The following PPEF1 variants were observed in gnomAD, a reference collection of about 807,000 sequenced individuals.
PPEF1 encodes the protein protein phosphatase with EF-hand domain 1.
In PPEF1, 12 loss-of-function variants were observed where a neutral mutation model predicts 53.3. The ratio of observed to expected loss-of-function variants is 0.23; its 90% confidence interval spans 0.14 to 0.36. PPEF1 has a LOEUF of 0.36. PPEF1 is among the 10% of genes least tolerant of loss of function. PPEF1 has a pLI of 1.00. For synonymous variants in PPEF1, 165 were observed against 176.7 expected (o/e 0.93, Z 0.52); for missense variants, 334 against 490.4 (o/e 0.68, Z 3.01).
rs187941935 is a variant in PPEF1, at chrX:18,781,791, G to T, written c.726-575G>T. Among the ~76,000 whole-genome samples the T allele has an allele frequency of 6.2e-3, 694 of 111,100 alleles. 4 individuals carry two copies. Among genetic ancestry groups the T allele is most frequent in the Non-Finnish European group, 0.01 (556 of 52,991 alleles). On this transcript the variant is annotated intron_variant, in intron 7 of 15. Transcript: ENST00000470157. ...AGGTAACAGAAATATTGTCATCATT[G>T]AATCTCCCTTCACTACTGCTATTCA...
chrX:18,820,793 A>C (rs1270146433), intron 13 of PPEF1, among the ~76,000 whole-genome samples: 2 of 112,409 alleles, frequency 1.8e-5, no homozygotes, highest in Admixed American at 1.9e-4. Flanking sequence ...CACACACTGG[A>C]ACATAAAGTG....
Position 18,789,152 on chromosome X carries a change from C to G in PPEF1, c.944C>G (p.Thr315Arg). Residue 315 changes from threonine (T) to arginine (R), a missense_variant, in exon 10 of 16, where the codon ACA (threonine) becomes AGA (arginine). Physicochemically the swap from Thr to Arg is moderately conservative, Grantham distance 71. Transcript: ENST00000470157. ...MKSVLIPPTE[T>R]NRDHDTDSKH... Reference sequence around the variant, plus strand: ...TCTGTGCTGATACCACCAACGGAAACAAACAGAGACCATGACACTGACTCG... The same window carrying G: ...TCTGTGCTGATACCACCAACGGAAAGAAACAGAGACCATGACACTGACTCG... 7 of 1,211,456 alleles carry G rather than the reference C, an allele frequency of 5.8e-6. No individual in the cohort carries two copies. The highest frequency in any genetic ancestry group is 7.8e-6 in the Non-Finnish European group (7 of 895,146).
chrX:18,730,386 G>A, intron 2 of PPEF1, 78 bp downstream of exon 2: 1 of 1,112,668 alleles, frequency 9.0e-7, no homozygotes, highest in Non-Finnish European at 1.2e-6. Context: ...TGAAAGTTTG[G>A]GTCCATTTTA....
chrX:18,819,409 G>A (rs1388232135), intron 13 of PPEF1, among the ~76,000 whole-genome samples: 2 of 112,066 alleles, frequency 1.8e-5, no homozygotes, highest in African/African-American at 3.2e-5. Flanking sequence ...CAGGCCAGGC[G>A]CAGTGGCTCA....
intron 4 of PPEF1, among the ~76,000 whole-genome samples, chrX:18,754,229 CT>C (rs1402769378): frequency 9.0e-6 from 1 of 111,547 alleles, no homozygotes; most frequent in Non-Finnish European, 1.9e-5. Context: ...TTGCTATAAA[CT>C]TTGAGTATTT....
At chrX:18,825,899 C>A in intron 15 of PPEF1, 64 bp downstream of exon 15, 2 of 772,127 alleles carry the variant, frequency 2.6e-6, no homozygotes, top group Non-Finnish European at 3.8e-6. Context: ...GTTGGGGATA[C>A]AAAATGAGTA....
chrX:18,678,691 C>G (rs1469050489), upstream of PPEF1, among the ~76,000 whole-genome samples: 1 of 111,741 alleles, frequency 8.9e-6, no homozygotes, highest in Non-Finnish European at 1.9e-5. Flanking sequence ...TGAAAACAAC[C>G]CATCACTCTG....
upstream of PPEF1, among the ~76,000 whole-genome samples, chrX:18,678,494 G>A (rs1928762529): frequency 9.0e-6 from 1 of 111,329 alleles, no homozygotes; most frequent in Admixed American, 9.6e-5. Flanking sequence ...ACTTCCACCT[G>A]TGCCACTTCC....
intron 2 of PPEF1, among the ~76,000 whole-genome samples, chrX:18,731,004 C>T (rs976161124): frequency 4.5e-5 from 5 of 111,773 alleles, no homozygotes; most frequent in African/African-American, 9.8e-5. Context: ...CGTGAGCCAC[C>T]GCACCTGGCC....
intron 5 of PPEF1, among the ~76,000 whole-genome samples, chrX:18,758,943 C>G (rs1409072518): frequency 5.4e-5 from 6 of 111,376 alleles, no homozygotes; most frequent in African/African-American, 1.3e-4. Context: ...GAAGGGTTCT[C>G]TAGTCTATTC....
intron 15 of PPEF1, among the ~76,000 whole-genome samples, chrX:18,826,965 C>A (rs1278872843): frequency 9.0e-6 from 1 of 111,383 alleles, no homozygotes; most frequent in Non-Finnish European, 1.9e-5. Flanking sequence ...TCCTTCCATG[C>A]ACCTCACCTT....
At chrX:18,709,778 G>A (rs942920282) in intron 1 of PPEF1, among the ~76,000 whole-genome samples, 2 of 111,781 alleles carry the variant, frequency 1.8e-5, no homozygotes, top group African/African-American at 6.5e-5. Context: ...GATTACAGGC[G>A]TGAGCCACTG....
upstream of PPEF1, among the ~76,000 whole-genome samples, chrX:18,703,921 C>CT (rs144154361): frequency 5.2e-3 from 456 of 88,398 alleles, 2 homozygotes; most frequent in African/African-American, 0.016. Flanking sequence ...AAAAACATAC[C>CT]TTTTTTTTTT....
chrX:18,766,903 T>TATA (rs1434221767), intron 6 of PPEF1, among the ~76,000 whole-genome samples: 6 of 110,426 alleles, frequency 5.4e-5, no homozygotes, highest in African/African-American at 2.0e-4. Context: ...CAAAAAAAAA[T>TATA]TAGCTTCGCA....
chrX:18,761,104 A>G (rs753055879), intron 5 of PPEF1, among the ~76,000 whole-genome samples: 106 of 111,312 alleles, frequency 9.5e-4, no homozygotes, highest in Non-Finnish European at 1.6e-3. Context: ...GAAGTGAGTT[A>G]AAGTTGGGTT....
At chrX:18,784,772 G>A (rs1202087734) in intron 9 of PPEF1, among the ~76,000 whole-genome samples, 1 of 111,267 alleles carries the variant, frequency 9.0e-6, no homozygotes, top group Non-Finnish European at 1.9e-5. Context: ...AATACAAGCA[G>A]AGCAGGAGCT....
intron 3 of PPEF1, among the ~76,000 whole-genome samples, chrX:18,747,883 CTGT>C (rs1473560069): frequency 1.8e-4 from 20 of 111,549 alleles, no homozygotes; most frequent in African/African-American, 6.5e-4. Context: ...TTTGTTTTTG[CTGT>C]TATTTGTTTT....
At chrX:18,727,907 C>G (rs1015716550) in intron 1 of PPEF1, among the ~76,000 whole-genome samples, 1 of 111,963 alleles carries the variant, frequency 8.9e-6, no homozygotes, top group Admixed American at 9.5e-5. Context: ...GCAGGCCACC[C>G]TCCCAGAACC....
intron 12 of PPEF1, among the ~76,000 whole-genome samples, chrX:18,808,638 C>G (rs1344805736): frequency 1.8e-5 from 2 of 110,171 alleles, no homozygotes; most frequent in Non-Finnish European, 3.8e-5. Context: ...AAATGGCCAA[C>G]AGGTATACGA....
Sources: gnomAD v4.1 joint callset for allele counts (sites outside exome capture counted in the v4.1 genomes callset) on GRCh38, gnomAD v4.1.1 for gene constraint, MANE v1.5 for transcripts, NCBI Gene and HGNC (gene_info 2026-07-23, HGNC 2026-07-21) for gene names.